Variants in PLK3 observed in about 807,000 individuals in gnomAD.
The protein encoded by PLK3 is serine/threonine-protein kinase PLK3.
Under a neutral mutation model 71.6 loss-of-function variants are expected in PLK3, and 41 were observed. That is an observed-to-expected ratio of 0.57 (90% CI 0.45 to 0.74). The LOEUF is 0.74. PLK3 is among the 30% of genes least tolerant of loss of function. PLK3 has a pLI of 0.00. For missense variants in PLK3, 791 were observed against 875.6 expected, an observed-to-expected ratio of 0.90 and a Z score of 1.22; for synonymous variants, 366 against 355.4, an observed-to-expected ratio of 1.03 and a Z score of -0.33.
chr1:44,801,582 G>A (rs2148855013), intron 3 of PLK3, 40 bp from the exon 4 acceptor site: 1 of 1,602,664 alleles, frequency 6.2e-7, no homozygotes, highest in South Asian at 1.1e-5. Context: ...GGGAGGGGGA[G>A]GGAGGGCTCA....
Position 44,803,528 on chromosome 1 carries a change from C to A in PLK3, c.1073-72C>A. 6.4e-7 allele frequency: 1 copy of A among 1,570,392 alleles called. No individual in the cohort carries two copies. The highest frequency in any genetic ancestry group is 8.8e-7 in the Non-Finnish European group (1 of 1,142,458). ...AGTACAGGCACTTGGGGAGGCCAAT[C>A]TCTGTGTCATCCCTGTCGGAAGTGG... On this transcript the variant is annotated intron_variant, in intron 8 of 14. Coordinates refer to ENST00000372201, the MANE Select transcript of PLK3 (RefSeq NM_004073.4). This position sits in a 1 kb window ranked among gnomAD's most constrained non-coding sequence, Gnocchi z 4.3.
At chr1:44,805,007 A>G in intron 13 of PLK3, 1 of 580,950 alleles carries the variant, frequency 1.7e-6, no homozygotes. Context: ...CGGGAGGCTG[A>G]GGCAGGAGAA....
chr1:44,804,361 G>T lies in PLK3; in HGVS notation c.1365G>T (p.Leu455=). 1.2e-6 allele frequency: 2 copies of T among 1,614,154 alleles called. No homozygotes were observed. Among genetic ancestry groups the T allele is most frequent in the Non-Finnish European group, 1.7e-6 (2 of 1,180,010 alleles). ...MPPAEQNPAP[L]AQPEPLVWVS... Reference sequence around the variant, plus strand: ...CAGCGGAACAGAACCCGGCCCCCCTGGCCCAGCCAGAGCCTCTGGTGTGGG... The same window carrying T: ...CAGCGGAACAGAACCCGGCCCCCCTTGCCCAGCCAGAGCCTCTGGTGTGGG... Residue 455 remains leucine, a synonymous_variant, in exon 12 of 15, where the codon CTG becomes CTT. Transcript: ENST00000372201.
intron 10 of PLK3, 57 bp from the exon 11 acceptor site, chr1:44,804,106 G>T: frequency 1.9e-6 from 3 of 1,552,184 alleles, no homozygotes; most frequent in South Asian, 1.1e-5. Flanking sequence ...GGGCAGAGGG[G>T]CCTGGCCTGG....
At position 44,804,082 on chromosome 1, in the gene PLK3, G is replaced by C. The variant is rs1012007254; in HGVS notation, c.1258+58G>C. On this transcript the variant is annotated intron_variant, in intron 10 of 14. Transcript: ENST00000372201. ...GGTTGCTGGAGCTGAGATCAGGGGCGAGAGGGAAGGAGTGGGCAGAGGGGC... is the reference window on the plus strand; with the variant it reads ...GGTTGCTGGAGCTGAGATCAGGGGCCAGAGGGAAGGAGTGGGCAGAGGGGC... 4.6e-6 allele frequency: 7 copies of C among 1,537,178 alleles called. No homozygotes were observed. In the African/African-American group the frequency reaches 9.5e-5, roughly 21 times the overall value.
Position 44,805,550 on chromosome 1 carries a change from TTTGTG to T in PLK3, c.1814_1818del (p.Phe605CysfsTer5). On this transcript the variant is annotated frameshift_variant, in exon 15 of 15. Transcript: ENST00000372201. LOFTEE classifies it high-confidence loss of function. ...TGGCTGGGAGCCCCTCCTTGTGACTTTTGTGGCCCGAAATCGTAGTGCTTGTACTT... is the reference window on the plus strand; with the variant it reads ...TGGCTGGGAGCCCCTCCTTGTGACTTGCCCGAAATCGTAGTGCTTGTACTT... 2 of 1,614,168 alleles carry T rather than the reference TTTGTG, an allele frequency of 1.2e-6. No individual in the cohort carries two copies. Among genetic ancestry groups the T allele is most frequent in the Non-Finnish European group, 1.7e-6 (2 of 1,180,002 alleles).
rs1445172060 is a variant in PLK3 at position 44,805,657 on chromosome 1, C to G, written c.1920C>G (p.Leu640=). ...GACTCCGCTATGCTCTGCGCCTGCT[C>G]CGGGACCGCAGCCCAGCCTAGGACC... is the stretch of plus-strand genomic sequence containing the variant. ...RQRLRYALRL[L]RDRSPA is the part of the protein sequence containing the mutation. Residue 640 remains leucine, a synonymous_variant, in exon 15 of 15, where the codon CTC becomes CTG. Transcript: ENST00000372201. 6.2e-7 allele frequency: 1 copy of G among 1,613,040 alleles called. No individual in the cohort carries two copies. Among genetic ancestry groups the G allele is most frequent in the South Asian group, 1.1e-5 (1 of 91,060 alleles).
In PLK3 at chr1:44,801,926, GGAA is replaced by G. The variant is rs1197448501; in HGVS notation, c.652_653+1del. 6.2e-7 allele frequency: 1 copy of G among 1,612,262 alleles called. No homozygotes were observed. The highest frequency in any genetic ancestry group is 8.5e-7 in the Non-Finnish European group (1 of 1,178,824). On this transcript the variant is annotated inframe_deletion, in exon 5 of 15. Transcript: ENST00000372201. ...GCCCGGTTGGAGCCTCCGGAGCAGA[GGAA>G]GAAGTGAGTTTTGAGGAAAGGGGCC... is the stretch of plus-strand genomic sequence containing the variant.
chr1:44,800,674 G>C lies in PLK3; in HGVS notation c.210+1G>C. The stretch of plus-strand genomic sequence containing the variant: ...CCTCAAAGGCCGCTTGTTGGGCAAG[G>C]TGGGCCGAGGGACGTCCGCGGGGTG... On this transcript the variant is annotated splice_donor_variant, in intron 1 of 14. Coordinates refer to ENST00000372201, the MANE Select transcript of PLK3 (RefSeq NM_004073.4). LOFTEE classifies it high-confidence loss of function. The surrounding 1 kb of genome is among the most constrained non-coding windows in gnomAD (Gnocchi z 6.5). 1.9e-6 allele frequency: 3 copies of C among 1,552,996 alleles called. No individual in the cohort carries two copies. Among genetic ancestry groups the C allele is most frequent in the Non-Finnish European group, 2.6e-6 (3 of 1,153,982 alleles).
At chr1:44,801,203 CTTT>C (rs34463102) in intron 3 of PLK3, 51 bp downstream of exon 3, 6,326 of 336,696 alleles carry the variant, frequency 0.019, no homozygotes, top group East Asian at 0.037. Flanking sequence ...AGAAGACAGT[CTTT>C]TTTTTTTTTT....
intron 13 of PLK3, 42 bp downstream of exon 13, chr1:44,804,821 C>T (rs1320714666): frequency 1.9e-6 from 3 of 1,603,076 alleles, no homozygotes; most frequent in South Asian, 1.1e-5. Context: ...CCTAACCCAT[C>T]CTGGCCGGGT....
chr1:44,800,713 TG>T lies in PLK3; in HGVS notation c.210+45del. The T allele has an allele frequency of 6.5e-7, 1 of 1,539,962 alleles. No homozygotes were observed. The highest frequency in any genetic ancestry group is 1.2e-5 in the South Asian group (1 of 84,512). On this transcript the variant is annotated intron_variant, in intron 1 of 14. Coordinates refer to ENST00000372201, the MANE Select transcript of PLK3 (RefSeq NM_004073.4). This position sits in a 1 kb window ranked among gnomAD's most constrained non-coding sequence, Gnocchi z 6.5. ...GTCCGCGGGGTGGTGATGGTGGAGG[TG>T]GGGGTCCCGGCCGGCCTCTTTTCTG...
chr1:44,805,771 T>C lies in PLK3; in HGVS notation c.*93T>C, dbSNP rs770638821. The C allele has an allele frequency of 7.9e-6, 11 of 1,399,850 alleles. No homozygotes were observed. 86.7% of individuals were successfully genotyped at this position (1,399,850 alleles called of 1,614,324 possible). On this transcript the variant is annotated 3_prime_UTR_variant, in exon 15 of 15. Coordinates refer to ENST00000372201, the MANE Select transcript of PLK3 (RefSeq NM_004073.4). ...CTTCCTTTGGTGCCTCACTGGGGGC[T>C]TTGGGCCGAATCCCCCAGGGAATCA...
Position 44,800,474 on chromosome 1 carries a change from C to T in PLK3, c.11C>T (p.Ala4Val). Residue 4 changes from alanine (A) to valine (V), a missense_variant, in exon 1 of 15, where the codon GCC becomes GTC. Coordinates refer to ENST00000372201, the MANE Select transcript of PLK3 (RefSeq NM_004073.4). The surrounding 1 kb of genome is among the most constrained non-coding windows in gnomAD (Gnocchi z 6.5). ...CGACGCGCCGGCCGCATGGAGCCTG[C>T]CGCCGGTTTCCTGTCTCCGCGCCCC... MEP[A>V]AGFLSPRPFQ... is the part of the protein sequence containing the mutation. 2.1e-6 allele frequency: 3 copies of T among 1,420,514 alleles called. No homozygotes were observed. The highest frequency in any genetic ancestry group is 2.7e-6 in the Non-Finnish European group (3 of 1,092,488). The allele number at this position is 1,420,514 out of a possible 1,614,324, so 88.0% of individuals were successfully genotyped here.
rs770557218 is a variant in PLK3 at position 44,801,904 on chromosome 1, C to G, written c.625C>G (p.Arg209Gly). The G allele has an allele frequency of 2.5e-6, 4 of 1,613,560 alleles. No homozygotes were observed. The highest frequency in any genetic ancestry group is 2.2e-5 in the South Asian group (2 of 91,028). The change falls in exon 5 of 15, where the codon CGG becomes GGG. Residue 209 changes from arginine to glycine, a missense_variant. Coordinates refer to ENST00000372201, the MANE Select transcript of PLK3 (RefSeq NM_004073.4). ...LKVGDFGLAA[R>G]LEPPEQRKKT... ...GGTGGGGGATTTTGGGCTGGCAGCC[C>G]GGTTGGAGCCTCCGGAGCAGAGGAA...
Position 44,800,787 on chromosome 1 carries a change from C to G in PLK3, c.211-53C>G. On this transcript the variant is annotated intron_variant, in intron 1 of 14. Transcript: ENST00000372201. This position sits in a 1 kb window ranked among gnomAD's most constrained non-coding sequence, Gnocchi z 6.5. ...TTGACCCCCAACGCGGGGACGCCCG[C>G]GGGCCAGACTCGGCCCCCCTGGAAC... 6.4e-7 allele frequency: 1 copy of G among 1,560,988 alleles called. No homozygotes were observed. Among genetic ancestry groups the G allele is most frequent in the Non-Finnish European group, 8.7e-7 (1 of 1,153,040 alleles).
chr1:44,800,899 C>T lies in PLK3; in HGVS notation c.270C>T (p.Val90=), dbSNP rs148986415. ...TDTETGSAYA[V]KVIPQSRVAK... ...CAGAGACTGGCAGCGCCTACGCTGT[C>T]AAAGTCATCCCGCAGAGCCGCGTCG... Residue 90 remains valine (V), a synonymous_variant, in exon 2 of 15, where the codon GTC becomes GTT. Transcript: ENST00000372201. The surrounding 1 kb of genome is among the most constrained non-coding windows in gnomAD (Gnocchi z 6.5). 1.3e-3 allele frequency: 2,170 copies of T among 1,612,324 alleles called. 3 individuals are homozygous for T. Among genetic ancestry groups the T allele is most frequent in the Non-Finnish European group, 1.7e-3 (1,971 of 1,179,916 alleles).
In PLK3 at chr1:44,803,475, C is replaced by T; in HGVS notation, c.1072+84C>T. On this transcript the variant is annotated intron_variant, in intron 8 of 14. Transcript: ENST00000372201. The surrounding 1 kb of genome is among the most constrained non-coding windows in gnomAD (Gnocchi z 4.3). ...TGTCTTGGGTGTGTGAGTGTGGGTG[C>T]CTGGAAACTCCTGGGGAGAGCATGT... 6.3e-7 allele frequency: 1 copy of T among 1,592,458 alleles called. No homozygotes were observed. The highest frequency in any genetic ancestry group is 1.3e-5 in the African/African-American group (1 of 74,588).
intron 11 of PLK3, 46 bp from the exon 12 acceptor site, chr1:44,804,293 C>T (rs754077733): frequency 1.2e-6 from 2 of 1,613,360 alleles, no homozygotes; most frequent in South Asian, 2.2e-5. Context: ...AGTTCTGTGG[C>T]TGGGAGGCCA....
Sources: gnomAD v4.1 joint callset for allele counts on GRCh38, gnomAD v4.1.1 for gene constraint, Gnocchi (gnomAD v3.1) non-coding constraint, MANE v1.5 for transcripts, NCBI Gene and HGNC (gene_info 2026-07-23, HGNC 2026-07-21) for gene names.